Variants in SLC8A3 observed in about 807,000 individuals in gnomAD.
SLC8A3 encodes solute carrier family 8 member A3.
Under a neutral mutation model 65.4 loss-of-function variants are expected in SLC8A3, and 37 were observed. The observed-to-expected ratio is 0.57, with a 90% CI of 0.44 to 0.74. The LOEUF is 0.74. SLC8A3 is among the 30% of genes least tolerant of loss of function. The pLI is 0.00. For synonymous variants in SLC8A3, 461 were observed against 444.5 expected, an observed-to-expected ratio of 1.04 and a Z score of -0.47; for missense variants, 1,112 against 1,172.1, an observed-to-expected ratio of 0.95 and a Z score of 0.75.
At chr14:70,180,660 ACT>A (rs1882672594) in intron 1 of SLC8A3, among the ~76,000 whole-genome samples, 2 of 152,132 alleles carry the variant, frequency 1.3e-5, no homozygotes, top group African/African-American at 4.8e-5. Flanking sequence ...GTTTTACTAG[ACT>A]CTCAACAGAA....
At chr14:70,057,229 A>G (rs193180968) in intron 3 of SLC8A3, among the ~76,000 whole-genome samples, 28 of 152,292 alleles carry the variant, frequency 1.8e-4, no homozygotes, top group African/African-American at 6.0e-4. Context: ...GTAGAATTCC[A>G]AAGGTTAATG....
intron 2 of SLC8A3, among the ~76,000 whole-genome samples, chr14:70,128,805 C>T (rs1894643344): frequency 6.6e-6 from 1 of 152,230 alleles, no homozygotes; most frequent in South Asian, 2.1e-4. Context: ...TTACCTTCTG[C>T]CTTCCATGAT....
intron 1 of SLC8A3, among the ~76,000 whole-genome samples, chr14:70,181,541 C>T (rs1321215984): frequency 2.0e-5 from 3 of 151,354 alleles, no homozygotes; most frequent in Non-Finnish European, 4.4e-5. Flanking sequence ...TTAAAATTCA[C>T]AGGAGGAAGG....
At chr14:70,135,566 A>T (rs1336319553) in intron 2 of SLC8A3, among the ~76,000 whole-genome samples, 1 of 152,252 alleles carries the variant, frequency 6.6e-6, no homozygotes, top group African/African-American at 2.4e-5. Flanking sequence ...GCCATAAAAA[A>T]ATAAATAAGA....
At chr14:70,105,561 A>G (rs1203396678) in intron 2 of SLC8A3, among the ~76,000 whole-genome samples, 1 of 152,194 alleles carries the variant, frequency 6.6e-6, no homozygotes, top group Non-Finnish European at 1.5e-5. Flanking sequence ...GATAGAAAAT[A>G]TAAGTACTAT....
At chr14:70,176,279 G>A (rs1191891912) in intron 1 of SLC8A3, among the ~76,000 whole-genome samples, 3 of 152,170 alleles carry the variant, frequency 2.0e-5, no homozygotes, top group Non-Finnish European at 4.4e-5. Context: ...CCATGGCTGG[G>A]TCTACATCTG....
intron 2 of SLC8A3, among the ~76,000 whole-genome samples, chr14:70,102,982 A>T (rs1170950991): frequency 2.0e-5 from 3 of 152,088 alleles, no homozygotes; most frequent in Non-Finnish European, 4.4e-5. Flanking sequence ...ATAAATACAA[A>T]CAACAATAAT....
At chr14:70,092,351 A>G (rs970946719) in intron 2 of SLC8A3, among the ~76,000 whole-genome samples, 5 of 151,794 alleles carry the variant, frequency 3.3e-5, no homozygotes, top group Middle Eastern at 3.4e-3. Context: ...CCTCACTTCA[A>G]TCCAGACCCA....
intron 2 of SLC8A3, among the ~76,000 whole-genome samples, chr14:70,127,237 T>A (rs899428666): frequency 8.5e-5 from 13 of 152,070 alleles, no homozygotes; most frequent in African/African-American, 3.1e-4. Context: ...GAACCAAATA[T>A]TCTGTTACTT....
At chr14:70,113,179 A>C (rs1364784221) in intron 2 of SLC8A3, among the ~76,000 whole-genome samples, 1 of 152,184 alleles carries the variant, frequency 6.6e-6, no homozygotes, top group East Asian at 1.9e-4. Flanking sequence ...AGGAAGTTTC[A>C]TCACTGTGAA....
At chr14:70,136,408 G>A (rs1339487730) in intron 2 of SLC8A3, among the ~76,000 whole-genome samples, 1 of 152,198 alleles carries the variant, frequency 6.6e-6, no homozygotes, top group Non-Finnish European at 1.5e-5. Flanking sequence ...CAGGGCTTCT[G>A]AGAGCCTGTG....
At chr14:70,051,581 G>GT (rs1887511766) in intron 4 of SLC8A3, among the ~76,000 whole-genome samples, 1 of 152,248 alleles carries the variant, frequency 6.6e-6, no homozygotes, top group Admixed American at 6.5e-5. Context: ...GATTACAGGC[G>GT]TGAGTCCCTC....
chr14:70,159,348 C>T (rs753841228), intron 2 of SLC8A3, among the ~76,000 whole-genome samples: 1 of 148,234 alleles, frequency 6.7e-6, no homozygotes, highest in Non-Finnish European at 1.5e-5. Flanking sequence ...GCAGAGGTTG[C>T]AGTGAGCTCA....
At chr14:70,171,517 A>G (rs1354368593) in intron 1 of SLC8A3, among the ~76,000 whole-genome samples, 1 of 152,156 alleles carries the variant, frequency 6.6e-6, no homozygotes, top group Non-Finnish European at 1.5e-5. Context: ...GAAAAAAGGC[A>G]AGGCCTGGCT....
chr14:70,157,304 T>C (rs1350951902), intron 2 of SLC8A3, among the ~76,000 whole-genome samples: 1 of 152,186 alleles, frequency 6.6e-6, no homozygotes, highest in African/African-American at 2.4e-5. Context: ...TAAAACTGTT[T>C]AGATAGCTTA....
intron 2 of SLC8A3, among the ~76,000 whole-genome samples, chr14:70,122,259 A>T (rs940289796): frequency 6.6e-6 from 1 of 152,204 alleles, no homozygotes; most frequent in African/African-American, 2.4e-5. Flanking sequence ...AAAGATGGAC[A>T]ATGATTATTG....
At chr14:70,144,637 A>AAG (rs1235747345) in intron 2 of SLC8A3, among the ~76,000 whole-genome samples, 2 of 151,554 alleles carry the variant, frequency 1.3e-5, no homozygotes, top group African/African-American at 4.8e-5. Flanking sequence ...CTAAAAAAAA[A>AAG]AAAAGAAAAA....
chr14:70,164,862 T>C (rs1897084167), intron 2 of SLC8A3, among the ~76,000 whole-genome samples: 1 of 152,228 alleles, frequency 6.6e-6, no homozygotes, highest in Non-Finnish European at 1.5e-5. Context: ...CTGTCCTTCA[T>C]TTGTATGTAT....
chr14:70,184,739 TA>T (rs1883043799), intron 1 of SLC8A3, among the ~76,000 whole-genome samples: 1 of 152,206 alleles, frequency 6.6e-6, no homozygotes, highest in Non-Finnish European at 1.5e-5. Context: ...AATGTGTGTT[TA>T]TGAGGAAAGA....
Sources: allele counts gnomAD v4.1 joint callset (sites outside exome capture counted in the v4.1 genomes callset), GRCh38; gene constraint gnomAD v4.1.1; transcripts MANE v1.5; gene names NCBI Gene and HGNC (gene_info 2026-07-23, HGNC 2026-07-21).